The following LIMCH1 variants were observed in gnomAD, a reference collection of about 807,000 sequenced individuals.
LIMCH1 encodes the protein LIM and calponin homology domains 1, also known as LIM and calponin homology domains-containing protein 1.
A neutral mutation model predicts 176.5 loss-of-function variants in LIMCH1; 113 were observed. That is an observed-to-expected ratio of 0.64 (90% CI 0.55 to 0.75). The LOEUF is 0.75. LIMCH1 is among the 30% of genes least tolerant of loss of function. LIMCH1 has a pLI of 0.00. For missense variants in LIMCH1, 1,674 were observed against 1,814.9 expected, an observed-to-expected ratio of 0.92 and a Z score of 1.41; for synonymous variants, 619 against 645.9, an observed-to-expected ratio of 0.96 and a Z score of 0.63.
chr4:41,674,470 C>T (rs1175498408), intron 22 of LIMCH1, among the ~76,000 whole-genome samples: 2 of 152,142 alleles, frequency 1.3e-5, no homozygotes, highest in Non-Finnish European at 2.9e-5. Flanking sequence ...CATTAAATTC[C>T]GATAGAATTT....
At chr4:41,612,950 C>A in intron 4 of LIMCH1, 1 of 1,532,106 alleles carries the variant, frequency 6.5e-7, no homozygotes, top group East Asian at 2.5e-5. Flanking sequence ...GCGTGCTGCT[C>A]CAGGATTTTA....
chr4:41,498,475 G>T (rs2072618445), intron 2 of LIMCH1, among the ~76,000 whole-genome samples: 1 of 152,150 alleles, frequency 6.6e-6, no homozygotes, highest in African/African-American at 2.4e-5. Context: ...CTCTTCCTCT[G>T]TTGTTTTTGC....
chr4:41,666,660 T>G lies in LIMCH1; in HGVS notation c.3391T>G (p.Ser1131Ala). ...ANQLHLPNLN[S>A]QVDSPSSEKS... ...CCAACTACATTTGCCAAATCTCAAT[T>G]CTCAAGGTAAAGAGGACATGTTTTA... Residue 1131 changes from serine (S) to alanine (A), a missense_variant, in exon 21 of 32, where the codon TCT (serine) becomes GCT (alanine). Physicochemically the swap from Ser to Ala is moderately conservative, Grantham distance 99. Transcript: ENST00000503057. 1 of 1,605,128 alleles carries G rather than the reference T, an allele frequency of 6.2e-7. No homozygotes were observed. Among genetic ancestry groups the G allele is most frequent in the Non-Finnish European group, 8.5e-7 (1 of 1,171,840 alleles).
chr4:41,616,764 C>T (rs1050710626), intron 5 of LIMCH1, among the ~76,000 whole-genome samples: 3 of 152,010 alleles, frequency 2.0e-5, no homozygotes, highest in Non-Finnish European at 4.4e-5. Flanking sequence ...TTAATTCTTG[C>T]GACAACATGT....
intron 17 of LIMCH1, 140 bp downstream of exon 17, chr4:41,647,033 A>C: frequency 1.3e-6 from 1 of 799,240 alleles, no homozygotes; most frequent in Non-Finnish European, 1.9e-6. Flanking sequence ...TGAAAGTCAT[A>C]GGTCTCTGGA....
chr4:41,492,222 G>A (rs1467781854), intron 1 of LIMCH1, among the ~76,000 whole-genome samples: 20 of 152,152 alleles, frequency 1.3e-4, no homozygotes, highest in Non-Finnish European at 2.6e-4. Flanking sequence ...TCAACATGGC[G>A]AAACCCCGTC....
At chr4:41,444,280 A>ATG (rs1466868871) in intron 1 of LIMCH1, among the ~76,000 whole-genome samples, 1 of 147,692 alleles carries the variant, frequency 6.8e-6, no homozygotes, top group East Asian at 2.0e-4. Flanking sequence ...AAATATATGT[A>ATG]TGTGTATGTG....
At chr4:41,649,271 A>G (rs564591907) in intron 17 of LIMCH1, among the ~76,000 whole-genome samples, 8 of 152,242 alleles carry the variant, frequency 5.3e-5, no homozygotes, top group African/African-American at 1.9e-4. Flanking sequence ...ATGTTGGCAT[A>G]CGCCTGTAAT....
chr4:41,604,645 A>T (rs2090440900), intron 3 of LIMCH1, among the ~76,000 whole-genome samples: 2 of 152,194 alleles, frequency 1.3e-5, no homozygotes. Context: ...AACCTAAAAC[A>T]CAACAGTCTA....
intron 3 of LIMCH1, among the ~76,000 whole-genome samples, chr4:41,526,023 T>A (rs1382852558): frequency 6.6e-6 from 1 of 152,118 alleles, no homozygotes; most frequent in East Asian, 1.9e-4. Flanking sequence ...AAAATGGAAA[T>A]CATAAATAAT....
At chr4:41,460,964 C>T (rs532572846) in intron 1 of LIMCH1, among the ~76,000 whole-genome samples, 1 of 152,214 alleles carries the variant, frequency 6.6e-6, no homozygotes, top group South Asian at 2.1e-4. Context: ...AAATGATCTC[C>T]GACTGGCTCT....
chr4:41,468,627 A>C (rs1186389521), intron 1 of LIMCH1, among the ~76,000 whole-genome samples: 1 of 151,908 alleles, frequency 6.6e-6, no homozygotes, highest in Non-Finnish European at 1.5e-5. Context: ...TACATATCTT[A>C]CCATTCTAAA....
intron 28 of LIMCH1, among the ~76,000 whole-genome samples, chr4:41,687,033 C>A (rs1721354518): frequency 6.6e-6 from 1 of 152,106 alleles, no homozygotes; most frequent in South Asian, 2.1e-4. Context: ...CATTCCCTGG[C>A]GAGGGAGGTT....
At chr4:41,377,911 G>A (rs1431017134) in intron 1 of LIMCH1, among the ~76,000 whole-genome samples, 1 of 152,204 alleles carries the variant, frequency 6.6e-6, no homozygotes. Flanking sequence ...AGGGCAGAAT[G>A]CTCATGACCA....
At chr4:41,525,297 C>G (rs1583491967) in intron 3 of LIMCH1, among the ~76,000 whole-genome samples, 3 of 152,330 alleles carry the variant, frequency 2.0e-5, no homozygotes, top group South Asian at 4.1e-4. Context: ...TAATGACTCA[C>G]TGATTGTTTC....
At chr4:41,543,207 G>A (rs2152482532) in intron 1 of LIMCH1, among the ~76,000 whole-genome samples, 1 of 152,098 alleles carries the variant, frequency 6.6e-6, no homozygotes, top group East Asian at 1.9e-4. Context: ...TGTCCTTCAA[G>A]GCACAGAATG....
At chr4:41,537,230 A>G (rs567442500), upstream of LIMCH1, among the ~76,000 whole-genome samples, 8 of 152,384 alleles carry the variant, frequency 5.2e-5, no homozygotes, top group East Asian at 1.3e-3. Context: ...ACTTTTATAA[A>G]TGATGAATTG....
chr4:41,597,842 G>A (rs1480739585), intron 1 of LIMCH1, among the ~76,000 whole-genome samples: 3 of 152,208 alleles, frequency 2.0e-5, no homozygotes, highest in Non-Finnish European at 1.5e-5. Flanking sequence ...GAAGAGGTGT[G>A]TACATTGGGG....
At chr4:41,407,618 A>T (rs2059101974) in intron 1 of LIMCH1, among the ~76,000 whole-genome samples, 1 of 152,156 alleles carries the variant, frequency 6.6e-6, no homozygotes, top group South Asian at 2.1e-4. Flanking sequence ...CACGTGGCCA[A>T]TCCGTGCCCT....
Sources: gnomAD v4.1 joint callset for allele counts (sites outside exome capture counted in the v4.1 genomes callset) on GRCh38, gnomAD v4.1.1 for gene constraint, MANE v1.5 for transcripts, NCBI Gene and HGNC (gene_info 2026-07-23, HGNC 2026-07-21) for gene names.